HDAC4: variants seen among roughly 807,000 people sequenced by gnomAD.
HDAC4 encodes the protein histone deacetylase 4.
HDAC4 carries 16 observed loss-of-function variants against 135.1 expected under a neutral mutation model. The observed-to-expected ratio is 0.12, with a 90% CI of 0.08 to 0.18. The LOEUF is 0.18. Among genes scored for constraint, HDAC4 ranks in the 10% least tolerant of loss-of-function variants. The pLI is 1.00. For missense variants in HDAC4, 1,143 were observed against 1,511.8 expected (o/e 0.76, Z 4.05); for synonymous variants, 685 against 653.4 (o/e 1.05, Z -0.74).
At chr2:239,161,923 G>T (rs565708405) in intron 6 of HDAC4, 71 of 367,026 alleles carry the variant, frequency 1.9e-4, no homozygotes, top group African/African-American at 1.4e-3. Flanking sequence ...TTGACTGCAG[G>T]TGCAGCCTTT....
At position 239,379,542 on chromosome 2, in the gene HDAC4, C is replaced by A. The variant is rs13404789; in HGVS notation, c.-220+21436G>T. Among the ~76,000 whole-genome samples, 681 of 152,308 alleles carry A rather than the reference C, an allele frequency of 4.5e-3. 6 individuals are homozygous for A. The highest frequency in any genetic ancestry group is 0.016 in the African/African-American group (651 of 41,570). ...AGCTCCCAGGAGGGGTCTGGCAGGT[C>A]CCCTCGGCCTGAGCTGGCCCAGTGC... On this transcript the variant is annotated intron_variant, in intron 1 of 26. Coordinates refer to ENST00000543185, the MANE Select transcript of HDAC4 (RefSeq NM_001378414.1).
intron 12 of HDAC4, among the ~76,000 whole-genome samples, chr2:239,118,034 C>T (rs1010362627): frequency 6.6e-6 from 1 of 152,124 alleles, no homozygotes; most frequent in Non-Finnish European, 1.5e-5. Context: ...ACTCAGTGTC[C>T]GCTTGCTCCC....
At position 239,319,798 on chromosome 2, in the gene HDAC4, G is replaced by A. The variant is rs547696715; in HGVS notation, c.22+32880C>T. 1.7e-3 allele frequency among the ~76,000 whole-genome samples: 262 copies of A among 152,230 alleles called. 1 individual carries two copies. The highest frequency in any genetic ancestry group is 2.2e-3 in the Non-Finnish European group (150 of 68,018). ...CAGTCCTGCCTGAAAAAGAACCCACGAAATAGAAAACGTATAGTATAATTC... is the reference window on the plus strand; with the variant it reads ...CAGTCCTGCCTGAAAAAGAACCCACAAAATAGAAAACGTATAGTATAATTC... On this transcript the variant is annotated intron_variant, in intron 2 of 26. Coordinates refer to ENST00000543185, the MANE Select transcript of HDAC4 (RefSeq NM_001378414.1).
intron 4 of HDAC4, among the ~76,000 whole-genome samples, chr2:239,179,059 T>G (rs2043964981): frequency 6.8e-6 from 1 of 147,550 alleles, no homozygotes; most frequent in Admixed American, 6.7e-5. Flanking sequence ...GAGTGGGGTG[T>G]GCGTGCGAGG....
intron 12 of HDAC4, among the ~76,000 whole-genome samples, chr2:239,122,408 C>T (rs1013071752): frequency 2.6e-5 from 4 of 152,212 alleles, no homozygotes; most frequent in African/African-American, 4.8e-5. Context: ...AGGCCAAGTC[C>T]GGACGTGGCC....
intron 19 of HDAC4, among the ~76,000 whole-genome samples, chr2:239,084,887 C>T (rs1226101704): frequency 2.6e-5 from 4 of 151,272 alleles, no homozygotes; most frequent in African/African-American, 7.3e-5. Flanking sequence ...TACCCACCCC[C>T]CCCACGTAGA....
At chr2:239,334,942 G>A (rs1212695162) in intron 2 of HDAC4, among the ~76,000 whole-genome samples, 5 of 148,076 alleles carry the variant, frequency 3.4e-5, no homozygotes, top group Non-Finnish European at 7.4e-5. Context: ...GGAGAATGGC[G>A]TGAACCTGGG....
At chr2:239,208,179 T>G (rs1225944091) in intron 3 of HDAC4, among the ~76,000 whole-genome samples, 5 of 140,628 alleles carry the variant, frequency 3.6e-5, no homozygotes, top group African/African-American at 1.1e-4. Flanking sequence ...AAAAAAAAAA[T>G]AGCCGGGTGC....
At chr2:239,292,812 AC>A (rs1166526431) in intron 2 of HDAC4, among the ~76,000 whole-genome samples, 2 of 152,200 alleles carry the variant, frequency 1.3e-5, no homozygotes, top group Non-Finnish European at 2.9e-5. Context: ...GTGGACCTAG[AC>A]CGTCCTTTTA....
chr2:239,130,395 C>T (rs967468802), intron 11 of HDAC4, among the ~76,000 whole-genome samples: 3 of 152,226 alleles, frequency 2.0e-5, no homozygotes, highest in African/African-American at 7.2e-5. Context: ...GGGGCACCCT[C>T]CACTCAGCAT....
chr2:239,304,979 C>T (rs1289947739), intron 2 of HDAC4, among the ~76,000 whole-genome samples: 1 of 152,156 alleles, frequency 6.6e-6, no homozygotes, highest in Admixed American at 6.5e-5. Context: ...CCCCTCCCCA[C>T]GTCAATAGGA....
At chr2:239,254,204 C>T (rs572045119) in intron 2 of HDAC4, among the ~76,000 whole-genome samples, 37 of 152,236 alleles carry the variant, frequency 2.4e-4, no homozygotes, top group African/African-American at 7.5e-4. Flanking sequence ...GGGCTACACC[C>T]ACAATCCACA....
chr2:239,376,258 G>A (rs1694997234), intron 1 of HDAC4, among the ~76,000 whole-genome samples: 1 of 150,034 alleles, frequency 6.7e-6, no homozygotes, highest in Non-Finnish European at 1.5e-5. Flanking sequence ...ACCAAGGCAG[G>A]TGCTGTGTGC....
chr2:239,276,031 C>A (rs896810262), intron 2 of HDAC4, among the ~76,000 whole-genome samples: 3 of 152,142 alleles, frequency 2.0e-5, no homozygotes, highest in Admixed American at 2.0e-4. Flanking sequence ...CCAGCGCAGG[C>A]CAGGGACCTC....
intron 24 of HDAC4, among the ~76,000 whole-genome samples, chr2:239,062,214 G>A (rs565858597): frequency 6.6e-6 from 1 of 152,388 alleles, no homozygotes; most frequent in South Asian, 2.1e-4. Context: ...CCAGACCTAC[G>A]CGCTGAAGAC....
chr2:239,205,631 G>A (rs953775719), intron 3 of HDAC4, among the ~76,000 whole-genome samples: 25 of 151,718 alleles, frequency 1.6e-4, no homozygotes, highest in African/African-American at 6.1e-4. Context: ...GCTACGGAGA[G>A]AAATCTAAAC....
At chr2:239,086,540 A>G (rs181186447) in intron 19 of HDAC4, among the ~76,000 whole-genome samples, 2 of 151,370 alleles carry the variant, frequency 1.3e-5, no homozygotes, top group Non-Finnish European at 2.9e-5. Flanking sequence ...TCTCTCACGT[A>G]CAGTCTCCTC....
At chr2:239,261,370 C>T (rs2049355329) in intron 2 of HDAC4, among the ~76,000 whole-genome samples, 1 of 152,232 alleles carries the variant, frequency 6.6e-6, no homozygotes, top group Non-Finnish European at 1.5e-5. Flanking sequence ...ACCCCAGCAG[C>T]TGCCGTGTGC....
chr2:239,095,016 A>C lies in HDAC4; in HGVS notation c.2274T>G (p.Gly758=). 1 of 1,612,490 alleles carries C rather than the reference A, an allele frequency of 6.2e-7. No homozygotes were observed. The highest frequency in any genetic ancestry group is 8.5e-7 in the Non-Finnish European group (1 of 1,179,082). ...ACATTAAAGGAACACTTACCCCAAC[A>C]CCACCGCAAGGGAGCCGGACGAACA... ...ASVFVRLPCG[G]VGVDSDTIWN... Residue 758 remains glycine (G), a synonymous_variant, in exon 17 of 27, where the codon GGT becomes GGG. Coordinates refer to ENST00000543185, the MANE Select transcript of HDAC4 (RefSeq NM_001378414.1).
Sources: gnomAD v4.1 joint callset for allele counts (sites outside exome capture counted in the v4.1 genomes callset) on GRCh38, gnomAD v4.1.1 for gene constraint, MANE v1.5 for transcripts, NCBI Gene and HGNC (gene_info 2026-07-23, HGNC 2026-07-21) for gene names.